RHBDF2: variants seen among roughly 807,000 people sequenced by gnomAD.
RHBDF2 encodes the protein inactive rhomboid protein 2.
RHBDF2 carries 38 observed loss-of-function variants against 95.2 expected under a neutral mutation model. That is an observed-to-expected ratio of 0.40 (90% CI 0.31 to 0.52). RHBDF2 has a LOEUF of 0.52. Ranked by LOEUF, RHBDF2 falls within the 20% of genes least tolerant of loss-of-function variation. The pLI is 0.56. For synonymous variants in RHBDF2, 442 were observed against 462.0 expected (o/e 0.96, Z 0.55); for missense variants, 863 against 1,137.7 (o/e 0.76, Z 3.47).
chr17:76,499,187 A>G (rs2144497603), intron 1 of RHBDF2, among the ~76,000 whole-genome samples: 1 of 152,328 alleles, frequency 6.6e-6, no homozygotes, highest in Non-Finnish European at 1.5e-5. Flanking sequence ...AAAAGCCACC[A>G]ACACCAACAA....
At chr17:76,474,294 C>T in intron 12 of RHBDF2, 79 bp downstream of exon 12, 1 of 1,506,014 alleles carries the variant, frequency 6.6e-7, no homozygotes, top group Non-Finnish European at 9.1e-7. Context: ...AACGTGGTCA[C>T]TGCCCTTGAA....
chr17:76,472,791 C>T lies in RHBDF2; in HGVS notation c.1959G>A (p.Arg653=), dbSNP rs1435594611. The part of the protein sequence containing the change: ...VSVVFQMTIL[R]DLEKLAGWHR... Reference sequence around the variant, plus strand: ...GCCAGCCGGCCAGCTTCTCCAGGTCCCTCAGGATGGTCATTTGAAAGACCA... The same window carrying T: ...GCCAGCCGGCCAGCTTCTCCAGGTCTCTCAGGATGGTCATTTGAAAGACCA... The change falls in exon 18 of 19, where the codon AGG becomes AGA. Residue 653 remains arginine, a synonymous_variant. Transcript: ENST00000675367. The T allele has an allele frequency of 1.2e-6, 2 of 1,608,472 alleles. No individual in the cohort carries two copies. Among genetic ancestry groups the T allele is most frequent in the East Asian group, 2.2e-5 (1 of 44,608 alleles).
chr17:76,479,402 T>G, intron 4 of RHBDF2, 125 bp from the exon 5 acceptor site: 1 of 1,354,770 alleles, frequency 7.4e-7, no homozygotes, highest in Non-Finnish European at 1.0e-6. Context: ...CGGATCTGCC[T>G]GTGAGGCCCC....
intron 5 of RHBDF2, 24 bp downstream of exon 5, chr17:76,479,058 G>T: frequency 6.2e-7 from 1 of 1,613,172 alleles, no homozygotes; most frequent in Non-Finnish European, 8.5e-7. Context: ...CCCCACCCCT[G>T]CCTCCTTTCC....
At position 76,473,117 on chromosome 17, in the gene RHBDF2, C is replaced by T; in HGVS notation, c.1810-12G>A. The T allele has an allele frequency of 6.2e-7, 1 of 1,609,358 alleles. No individual in the cohort carries two copies. The highest frequency in any genetic ancestry group is 8.5e-7 in the Non-Finnish European group (1 of 1,175,752). On this transcript the variant is annotated splice_polypyrimidine_tract_variant and intron_variant, in intron 16 of 18. Transcript: ENST00000675367. ...TCCAAGCAGTGCACCTGGGAGTGGG[C>T]ATATGGTGCTCAGCGCCCCAGAAGC... is the stretch of plus-strand genomic sequence containing the variant.
chr17:76,477,126 G>A, intron 8 of RHBDF2, 54 bp downstream of exon 8: 1 of 1,610,572 alleles, frequency 6.2e-7, no homozygotes. Flanking sequence ...GAGGTCTGGG[G>A]ATGCCCCCAG....
intron 2 of RHBDF2, among the ~76,000 whole-genome samples, chr17:76,485,529 T>G (rs1598687204): frequency 7.0e-6 from 1 of 142,814 alleles, no homozygotes; most frequent in Non-Finnish European, 1.5e-5. Flanking sequence ...GTGGTTACAG[T>G]GAGCCGAGAT....
chr17:76,473,524 A>T, intron 15 of RHBDF2, 124 bp downstream of exon 15: 1 of 978,972 alleles, frequency 1.0e-6, no homozygotes, highest in East Asian at 2.6e-5. Flanking sequence ...GGAGCAAAGG[A>T]CAGTTATTGG....
At position 76,481,403 on chromosome 17, in the gene RHBDF2, G is replaced by A; in HGVS notation, c.122C>T (p.Pro41Leu). 6.2e-7 allele frequency: 1 copy of A among 1,612,596 alleles called. No homozygotes were observed. Among genetic ancestry groups the A allele is most frequent in the Non-Finnish European group, 8.5e-7 (1 of 1,179,972 alleles). ...IPPPEKETQA[P>L]GEQDSMLPER... ...AGGCAGCATGCTGTCCTGCTCGCCAGGGGCCTGGGTCTCTTTCTCGGGTGG... is the reference window on the plus strand; with the variant it reads ...AGGCAGCATGCTGTCCTGCTCGCCAAGGGCCTGGGTCTCTTTCTCGGGTGG... Residue 41 changes from proline to leucine, a missense_variant, in exon 3 of 19, where the codon CCT (proline) becomes CTT (leucine). By Grantham distance (98) the Pro-to-Leu change is moderately conservative. Coordinates refer to ENST00000675367, the MANE Select transcript of RHBDF2 (RefSeq NM_001005498.4).
chr17:76,483,040 A>G (rs570309498), intron 2 of RHBDF2, among the ~76,000 whole-genome samples: 1 of 152,206 alleles, frequency 6.6e-6, no homozygotes, highest in East Asian at 1.9e-4. Context: ...ATAGTGCCTC[A>G]TTCCTGTAGT....
rs1391207571 is a variant in RHBDF2, at chr17:76,471,702, C to T, written c.2415G>A (p.Glu805=). Residue 805 remains glutamate, a synonymous_variant, in exon 19 of 19, where the codon GAG becomes GAA. Transcript: ENST00000675367. ...YIYPINWPWI[E]HLTCFPFTSR... is the part of the protein sequence containing the mutation. ...TGGTGAAGGGGAAGCAGGTGAGGTG[C>T]TCGATCCAGGGCCAGTTAATGGGGT... 2 of 1,610,554 alleles carry T rather than the reference C, an allele frequency of 1.2e-6. No homozygotes were observed. The highest frequency in any genetic ancestry group is 8.5e-7 in the Non-Finnish European group (1 of 1,178,642).
rs745487928 is a variant in RHBDF2 at position 76,472,757 on chromosome 17, C to T, written c.1993G>A (p.Ala665Thr). Residue 665 changes from alanine (A) to threonine (T), a missense_variant, in exon 18 of 19, where the codon GCC becomes ACC. Around this residue, in one of 2 missense-constraint regions of RHBDF2, gnomAD observed 252 missense variants for 412.2 expected, o/e 0.61. Coordinates refer to ENST00000675367, the MANE Select transcript of RHBDF2 (RefSeq NM_001005498.4). ...ATGCCACTGAGGATGAAGATGATGG[C>T]GATACGGTGCCAGCCGGCCAGCTTC... is the stretch of plus-strand genomic sequence containing the variant. ...LEKLAGWHRI[A>T]IIFILSGITG... 3.0e-5 allele frequency: 48 copies of T among 1,613,500 alleles called. No individual in the cohort carries two copies. The highest frequency in any genetic ancestry group is 3.8e-5 in the Non-Finnish European group (45 of 1,179,760).
At chr17:76,499,973 G>C (rs1490970013) in intron 1 of RHBDF2, among the ~76,000 whole-genome samples, 1 of 152,090 alleles carries the variant, frequency 6.6e-6, no homozygotes, top group African/African-American at 2.4e-5. Flanking sequence ...ATTGGGAAAG[G>C]CGGTGTCTCA....
At chr17:76,492,285 G>C (rs890310664) in intron 1 of RHBDF2, among the ~76,000 whole-genome samples, 2 of 152,300 alleles carry the variant, frequency 1.3e-5, no homozygotes, top group Admixed American at 6.5e-5. Flanking sequence ...ACCCTCCCCT[G>C]CCCAGGCTCA....
rs762784291 is a variant in RHBDF2 at position 76,472,622 on chromosome 17, T to A, written c.2064+64A>T. ...GTCCCTCTGGCAGATCCCAGGTGGGTGGAATAGGAGCAGCAGGGCTGGCCC... is the reference window on the plus strand; with the variant it reads ...GTCCCTCTGGCAGATCCCAGGTGGGAGGAATAGGAGCAGCAGGGCTGGCCC... On this transcript the variant is annotated intron_variant, in intron 18 of 18. Transcript: ENST00000675367. The A allele has an allele frequency of 6.9e-6, 11 of 1,603,984 alleles. 1 individual carries two copies. In the South Asian group the frequency reaches 1.1e-4, roughly 16 times the overall value.
chr17:76,476,775 C>G, intron 9 of RHBDF2, 55 bp downstream of exon 9: 1 of 1,517,764 alleles, frequency 6.6e-7, no homozygotes, highest in South Asian at 1.2e-5. Flanking sequence ...CAGGAGGGCC[C>G]AGAGGAATTT....
At chr17:76,484,088 C>T (rs578257190) in intron 2 of RHBDF2, among the ~76,000 whole-genome samples, 3 of 152,138 alleles carry the variant, frequency 2.0e-5, no homozygotes, top group South Asian at 4.1e-4. Context: ...ATGGAGAAAC[C>T]CCGTCTCTAC....
Position 76,471,492 on chromosome 17 carries a change from CAG to C in RHBDF2, c.*139_*140del. The C allele has an allele frequency of 1.0e-6, 1 of 959,716 alleles. No homozygotes were observed. The highest frequency in any genetic ancestry group is 2.7e-5 in the East Asian group (1 of 37,454). 59.5% of individuals were successfully genotyped at this position (959,716 alleles called of 1,614,324 possible). A position where few individuals can be genotyped will look rare whatever the true frequency, so the allele number is the denominator to read the frequency against. On this transcript the variant is annotated 3_prime_UTR_variant, in exon 19 of 19. Coordinates refer to ENST00000675367, the MANE Select transcript of RHBDF2 (RefSeq NM_001005498.4). Reference sequence around the variant, plus strand: ...CTCACGCGGAGTCAGCCTCGCCTGGCAGGGGGGCACCCAGGTCCAGAGCCCGG... The same window carrying C: ...CTCACGCGGAGTCAGCCTCGCCTGGCGGGGGCACCCAGGTCCAGAGCCCGG...
chr17:76,495,578 G>A (rs8082315), intron 1 of RHBDF2, among the ~76,000 whole-genome samples: 3,367 of 152,266 alleles, frequency 0.022, 122 homozygotes, highest in African/African-American at 0.076. Flanking sequence ...GCTCAGCTGA[G>A]GTACAAGGTC....
Sources: allele counts gnomAD v4.1 joint callset (sites outside exome capture counted in the v4.1 genomes callset), GRCh38; gene constraint gnomAD v4.1.1; regional missense constraint gnomAD v4.1.1; transcripts MANE v1.5; gene names NCBI Gene and HGNC (gene_info 2026-07-23, HGNC 2026-07-21).